Variants in DNAH7 observed in about 807,000 individuals in gnomAD.
The protein encoded by DNAH7 is dynein axonemal heavy chain 7.
Under a neutral mutation model 444.6 loss-of-function variants are expected in DNAH7, and 397 were observed. That is an observed-to-expected ratio of 0.89 (90% CI 0.82 to 0.97). The LOEUF (loss-of-function observed/expected upper bound fraction) is 0.97, where lower values mean the gene tolerates loss of function less well. Among genes scored for constraint, DNAH7 ranks in the 50% least tolerant of loss-of-function variants. DNAH7 has a pLI of 0.00. For missense variants in DNAH7, 4,902 were observed against 4,800.8 expected, an observed-to-expected ratio of 1.02 and a Z score of -0.62; for synonymous variants, 1,636 against 1,624.4, an observed-to-expected ratio of 1.01 and a Z score of -0.17.
At chr2:196,005,664 GA>G (rs2125701724) in intron 10 of DNAH7, among the ~76,000 whole-genome samples, 1 of 151,880 alleles carries the variant, frequency 6.6e-6, no homozygotes, top group South Asian at 2.1e-4. Context: ...GACTTAAAAA[GA>G]CATAGAAAAT....
At chr2:195,987,386 T>C (rs73042545) in intron 13 of DNAH7, among the ~76,000 whole-genome samples, 193 bp from the exon 14 acceptor site, 5,896 of 152,184 alleles carry the variant, frequency 0.039, 369 homozygotes, top group African/African-American at 0.13. Flanking sequence ...GTAAATATCC[T>C]TGAAAAGTTT....
intron 10 of DNAH7, among the ~76,000 whole-genome samples, chr2:196,009,268 T>C (rs985886937): frequency 1.3e-5 from 2 of 152,160 alleles, no homozygotes; most frequent in Non-Finnish European, 2.9e-5. Flanking sequence ...CTGGAACTAA[T>C]GGTAATGGTT....
chr2:195,932,474 C>T (rs532917357), intron 21 of DNAH7, among the ~76,000 whole-genome samples: 4 of 152,106 alleles, frequency 2.6e-5, no homozygotes, highest in East Asian at 3.9e-4. Context: ...TGGTGAGAGA[C>T]GGCATCCCTG....
At chr2:196,025,862 T>C (rs1377223805) in intron 7 of DNAH7, among the ~76,000 whole-genome samples, 2 of 152,150 alleles carry the variant, frequency 1.3e-5, no homozygotes, top group Non-Finnish European at 2.9e-5. Flanking sequence ...CAAAGCATTA[T>C]TATTTCTCCA....
At chr2:195,891,137 C>A (rs1701990348) in intron 31 of DNAH7, among the ~76,000 whole-genome samples, 1 of 152,210 alleles carries the variant, frequency 6.6e-6, no homozygotes, top group African/African-American at 2.4e-5. Flanking sequence ...GCTGGCAAGC[C>A]ACTTGTCTCC....
chr2:196,059,460 A>T (rs1050636008), intron 1 of DNAH7, among the ~76,000 whole-genome samples: 1 of 152,250 alleles, frequency 6.6e-6, no homozygotes, highest in Admixed American at 6.5e-5. Flanking sequence ...CCTTTGGGAT[A>T]TGTCACAGGA....
At chr2:195,850,831 G>C (rs1389413732) in intron 46 of DNAH7, among the ~76,000 whole-genome samples, 2 of 152,150 alleles carry the variant, frequency 1.3e-5, no homozygotes, top group Admixed American at 6.5e-5. Flanking sequence ...GCCAATAAAG[G>C]GTGAGGGACC....
chr2:195,765,750 G>A (rs570227752), intron 61 of DNAH7, among the ~76,000 whole-genome samples: 21 of 152,312 alleles, frequency 1.4e-4, no homozygotes, highest in African/African-American at 3.4e-4. Flanking sequence ...AGAATGTGGA[G>A]AAAAGGGAAC....
chr2:195,864,898 C>A lies in DNAH7; in HGVS notation c.6757G>T (p.Asp2253Tyr), dbSNP rs750896147. 13 of 1,613,572 alleles carry A rather than the reference C, an allele frequency of 8.1e-6. No homozygotes were observed. Among genetic ancestry groups the A allele is most frequent in the Non-Finnish European group, 1.1e-5 (13 of 1,180,030 alleles). ...TCCACCATGCCATCATTATCAAAAT[C>A]CAAACGCTGAAAAAGCTCATGAAAA... ...EDFHELFQRL[D>Y]FDNDGMVEAD... Residue 2253 changes from aspartate to tyrosine, a missense_variant, in exon 41 of 65, where the codon GAT (aspartate) becomes TAT (tyrosine). Asp to Tyr is a radical substitution (Grantham distance 160, BLOSUM62 -3). Transcript: ENST00000312428.
intron 42 of DNAH7, among the ~76,000 whole-genome samples, chr2:195,859,638 T>C (rs1699906995): frequency 6.6e-6 from 1 of 152,094 alleles, no homozygotes; most frequent in African/African-American, 2.4e-5. Flanking sequence ...TGGAGAACAC[T>C]GAAAGGATTA....
At chr2:195,995,581 G>T in intron 12 of DNAH7, 2 of 300,366 alleles carry the variant, frequency 6.7e-6, no homozygotes, top group South Asian at 3.0e-5. Flanking sequence ...GGCTCAGCAG[G>T]GGAAGATGGG....
At chr2:196,024,300 T>C (rs573504364) in intron 8 of DNAH7, 129 bp downstream of exon 8, 3 of 526,404 alleles carry the variant, frequency 5.7e-6, no homozygotes, top group South Asian at 6.0e-5. Flanking sequence ...GTATATGAAA[T>C]ACATACATAC....
intron 12 of DNAH7, chr2:195,998,924 G>T: frequency 2.0e-6 from 1 of 509,054 alleles, no homozygotes. Flanking sequence ...ACCAAAATGA[G>T]AGAAAGCATG....
intron 19 of DNAH7, among the ~76,000 whole-genome samples, chr2:195,954,013 A>G (rs1175360337): frequency 6.6e-6 from 1 of 152,142 alleles, no homozygotes; most frequent in Non-Finnish European, 1.5e-5. Flanking sequence ...GAGAAAGACA[A>G]TCGAGTCTTT....
intron 1 of DNAH7, chr2:196,064,084 A>C (rs1436563874): frequency 6.6e-6 from 1 of 152,220 alleles, no homozygotes; most frequent in African/African-American, 2.4e-5. Flanking sequence ...TGGGAGGCTG[A>C]GGCAGGCGGA....
intron 19 of DNAH7, among the ~76,000 whole-genome samples, chr2:195,947,729 T>C (rs957907827): frequency 6.6e-6 from 1 of 152,220 alleles, no homozygotes; most frequent in African/African-American, 2.4e-5. Context: ...GTATTTGCTA[T>C]TGTGAATAGT....
chr2:196,005,579 T>C (rs1484136108), intron 10 of DNAH7, among the ~76,000 whole-genome samples: 3 of 151,926 alleles, frequency 2.0e-5, no homozygotes, highest in African/African-American at 4.8e-5. Flanking sequence ...GAATATAATA[T>C]ACAATTGTTT....
chr2:195,848,523 G>C (rs1699155528), intron 46 of DNAH7, among the ~76,000 whole-genome samples: 1 of 152,236 alleles, frequency 6.6e-6, no homozygotes, highest in Admixed American at 6.5e-5. Context: ...ATGAGCTTAT[G>C]TGTGATTATA....
chr2:195,844,578 C>T (rs190154720), intron 47 of DNAH7, among the ~76,000 whole-genome samples: 2 of 152,180 alleles, frequency 1.3e-5, no homozygotes, highest in South Asian at 2.1e-4. Flanking sequence ...CCCAGAAATA[C>T]ATCCATCTAA....
Sources: gnomAD v4.1 joint callset for allele counts (sites outside exome capture counted in the v4.1 genomes callset) on GRCh38, gnomAD v4.1.1 for gene constraint, MANE v1.5 for transcripts, NCBI Gene and HGNC (gene_info 2026-07-23, HGNC 2026-07-21) for gene names.